The following SLC10A1 variants were observed in gnomAD, a reference collection of about 807,000 sequenced individuals.
SLC10A1 encodes the protein hepatic sodium/bile acid cotransporter.
Under a neutral mutation model 20.5 loss-of-function variants are expected in SLC10A1, and 36 were observed. The ratio of observed to expected loss-of-function variants is 1.75; its 90% CI spans 1.34 to 2.32. SLC10A1 has a LOEUF of 2.32. SLC10A1 is among the 30% of genes most tolerant of loss of function. SLC10A1 has a pLI of 0.00. For missense variants in SLC10A1, 545 were observed against 439.1 expected, an observed-to-expected ratio of 1.24 and a Z score of -2.16; for synonymous variants, 188 against 163.6, an observed-to-expected ratio of 1.15 and a Z score of -1.14.
In SLC10A1 at chr14:69,784,840, A is replaced by G. The variant is rs148897259; in HGVS notation, c.567+1257T>C. ...TGAGGTGGGGTGACTGGCCACAGAAAGGAGGAGGGATGATTCCTCCATGTC... is the reference window on the plus strand; with the variant it reads ...TGAGGTGGGGTGACTGGCCACAGAAGGGAGGAGGGATGATTCCTCCATGTC... On this transcript the variant is annotated intron_variant, in intron 2 of 4. Coordinates refer to ENST00000216540, the MANE Select transcript of SLC10A1 (RefSeq NM_003049.4). 2.5e-4 allele frequency among the ~76,000 whole-genome samples: 38 copies of G among 152,198 alleles called. 1 individual carries two copies. Among genetic ancestry groups the G allele is most frequent in the African/African-American group, 8.9e-4 (37 of 41,522 alleles).
At chr14:69,784,245 T>TA (rs1383466414) in intron 2 of SLC10A1, among the ~76,000 whole-genome samples, 2 of 152,224 alleles carry the variant, frequency 1.3e-5, no homozygotes, top group East Asian at 3.9e-4. Flanking sequence ...CAGCAGAGCT[T>TA]AGAGTCACTA....
rs1255054914 is a variant in SLC10A1, at chr14:69,786,314, G to A, written c.357-7C>T. ...GCAGGTGGTCATCACAATGCTGGTG[G>A]GAGACATGGGAAGAGGGGAGAGAGA... is the stretch of plus-strand genomic sequence containing the variant. On this transcript the variant is annotated splice_region_variant and splice_polypyrimidine_tract_variant and intron_variant, in intron 1 of 4. Coordinates refer to ENST00000216540, the MANE Select transcript of SLC10A1 (RefSeq NM_003049.4). 6.2e-7 allele frequency: 1 copy of A among 1,612,258 alleles called. No individual in the cohort carries two copies. Among genetic ancestry groups the A allele is most frequent in the East Asian group, 2.2e-5 (1 of 44,892 alleles).
In SLC10A1 at chr14:69,796,909, AGAC is replaced by A; in HGVS notation, c.244_246del (p.Val82del). 6.2e-7 allele frequency: 1 copy of A among 1,614,224 alleles called. No individual in the cohort carries two copies. The highest frequency in any genetic ancestry group is 8.5e-7 in the Non-Finnish European group (1 of 1,180,010). On this transcript the variant is annotated inframe_deletion, in exon 1 of 5. Transcript: ENST00000216540. The stretch of plus-strand genomic sequence containing the variant: ...AGTGCCTCAATGTTCTTCAGCCGGA[AGAC>A]CTTGCCCAGCACAAAGGCCGTGAGG...
intron 2 of SLC10A1, 110 bp downstream of exon 2, chr14:69,785,987 T>C: frequency 1.3e-6 from 1 of 774,528 alleles, no homozygotes; most frequent in Non-Finnish European, 2.1e-6. Flanking sequence ...AAACTTAGCA[T>C]CTAGTAGGAG....
At chr14:69,795,007 C>T (rs1472346134) in intron 1 of SLC10A1, among the ~76,000 whole-genome samples, 2 of 152,204 alleles carry the variant, frequency 1.3e-5, no homozygotes, top group African/African-American at 4.8e-5. Flanking sequence ...CCCTGCTCTG[C>T]TTCTTCCACA....
At chr14:69,785,806 G>A (rs1253264304) in intron 2 of SLC10A1, among the ~76,000 whole-genome samples, 2 of 147,162 alleles carry the variant, frequency 1.4e-5, no homozygotes, top group Non-Finnish European at 1.5e-5. Context: ...ACGGGGTTTC[G>A]TCATGTTGGT....
chr14:69,782,822 AAAAG>A (rs1356033501), intron 2 of SLC10A1, among the ~76,000 whole-genome samples: 2 of 152,026 alleles, frequency 1.3e-5, no homozygotes, highest in African/African-American at 2.4e-5. Flanking sequence ...AAAAAAAAAA[AAAAG>A]GGTCTGAGAT....
Position 69,779,121 on chromosome 14 carries a change from A to G in SLC10A1, c.746+61T>C. The G allele has an allele frequency of 2.4e-6, 3 of 1,276,070 alleles. No individual in the cohort carries two copies. The South Asian group carries it at 4.6e-5, about 20-fold the overall frequency. The allele number at this position is 1,276,070 out of a possible 1,614,324, so 79.0% of individuals were successfully genotyped here. On this transcript the variant is annotated intron_variant, in intron 3 of 4. Coordinates refer to ENST00000216540, the MANE Select transcript of SLC10A1 (RefSeq NM_003049.4). ...GGCTGCAGTGAGCTGAGAATGTGCTACTCCCCTCCAGCCTGGGCAACAGAG... is the reference window on the plus strand; with the variant it reads ...GGCTGCAGTGAGCTGAGAATGTGCTGCTCCCCTCCAGCCTGGGCAACAGAG...
chr14:69,778,386 C>T lies in SLC10A1; in HGVS notation c.890G>A (p.Gly297Glu), dbSNP rs1883499787. 2 of 1,613,434 alleles carry T rather than the reference C, an allele frequency of 1.2e-6. No homozygotes were observed. Among genetic ancestry groups the T allele is most frequent in the Admixed American group, 1.7e-5 (1 of 59,920 alleles). ...CCAAAATATGGCAATGAGGAGAAGC[C>T]CTTCTCCAAGCTGGAAAATCATGTA... ...LLYMIFQLGE[G>E]LLLIAIFWCY... The change falls in exon 4 of 5, where the codon GGG (glycine) becomes GAG (glutamate). Residue 297 changes from glycine to glutamate, a missense_variant. By Grantham distance (98) the Gly-to-Glu change is moderately conservative (BLOSUM62 -2). Coordinates refer to ENST00000216540, the MANE Select transcript of SLC10A1 (RefSeq NM_003049.4).
Position 69,779,224 on chromosome 14 carries a change from A to C in SLC10A1, c.704T>G (p.Leu235Arg). Reference protein sequence around the residue: ...TSSLMPFIGFLLGYVLSALFC... With the variant: ...TSSLMPFIGFRLGYVLSALFC... ...GAGAGCAGAGAGAACATAACCCAGC[A>C]GAAAGCCAATAAAAGGCATCAGGGA... Residue 235 changes from leucine to arginine, a missense_variant, in exon 3 of 5, where the codon CTG becomes CGG. By Grantham distance (102) the Leu-to-Arg change is moderately radical. Coordinates refer to ENST00000216540, the MANE Select transcript of SLC10A1 (RefSeq NM_003049.4). 1.9e-6 allele frequency: 3 copies of C among 1,613,826 alleles called. No individual in the cohort carries two copies. The highest frequency in any genetic ancestry group is 2.5e-6 in the Non-Finnish European group (3 of 1,179,880).
rs201979544 is a variant in SLC10A1, at chr14:69,797,093, G to A, written c.63C>T (p.Arg21=). The A allele has an allele frequency of 4.8e-5, 78 of 1,614,002 alleles. No individual in the cohort carries two copies. The highest frequency in any genetic ancestry group is 6.0e-5 in the Non-Finnish European group (71 of 1,180,036). Residue 21 remains arginine (R), a synonymous_variant, in exon 1 of 5, where the codon CGC becomes CGT. Transcript: ENST00000216540. ...NFTLPPNFGK[R]PTDLALSVIL... The stretch of plus-strand genomic sequence containing the variant: ...TGACGCTCAGTGCCAGGTCTGTGGG[G>A]CGCTTGCCAAAGTTGGGTGGCAGGG...
At chr14:69,792,222 G>T (rs1594764981) in intron 1 of SLC10A1, among the ~76,000 whole-genome samples, 1 of 152,102 alleles carries the variant, frequency 6.6e-6, no homozygotes, top group Middle Eastern at 3.4e-3. Flanking sequence ...AAACCACAAA[G>T]GAAAAATATT....
At chr14:69,783,226 C>T (rs997675952) in intron 2 of SLC10A1, among the ~76,000 whole-genome samples, 1 of 152,138 alleles carries the variant, frequency 6.6e-6, no homozygotes, top group Non-Finnish European at 1.5e-5. Context: ...TATTCTCAGG[C>T]ATTAGCTATG....
At chr14:69,789,284 G>C (rs1456503542) in intron 1 of SLC10A1, among the ~76,000 whole-genome samples, 1 of 152,148 alleles carries the variant, frequency 6.6e-6, no homozygotes, top group Non-Finnish European at 1.5e-5. Context: ...ATTCATACTA[G>C]GGAACAAGTA....
intron 2 of SLC10A1, among the ~76,000 whole-genome samples, chr14:69,779,924 T>A (rs556469205): frequency 6.6e-6 from 1 of 152,232 alleles, no homozygotes; most frequent in Non-Finnish European, 1.5e-5. Context: ...TGAGAACTTG[T>A]CATACATATT....
rs201771126 is a variant in SLC10A1, at chr14:69,779,187, A to G, written c.741T>C (p.Asn247=). The change falls in exon 3 of 5, where the codon AAT becomes AAC. Residue 247 remains asparagine, a synonymous_variant. Coordinates refer to ENST00000216540, the MANE Select transcript of SLC10A1 (RefSeq NM_003049.4). ...AAAAAAAAAAAAATACCTACCGTCC[A>G]TTGAGGCAGAAGAGAGCAGAGAGAA... is the stretch of plus-strand genomic sequence containing the variant. ...GYVLSALFCL[N]GRCRRTVSME... 2 of 1,592,922 alleles carry G rather than the reference A, an allele frequency of 1.3e-6. No individual in the cohort carries two copies. The highest frequency in any genetic ancestry group is 8.5e-7 in the Non-Finnish European group (1 of 1,172,396).
At chr14:69,789,914 G>T (rs949906332) in intron 1 of SLC10A1, among the ~76,000 whole-genome samples, 14 of 142,874 alleles carry the variant, frequency 9.8e-5, no homozygotes, top group South Asian at 4.4e-4. Context: ...CAAAAATAGG[G>T]TTTTTTTTTT....
Position 69,796,851 on chromosome 14 carries a change from C to T in SLC10A1, c.305G>A (p.Gly102Glu), listed in dbSNP as rs757955614. 2.5e-6 allele frequency: 4 copies of T among 1,614,198 alleles called. No individual in the cohort carries two copies. The South Asian group carries it at 4.4e-5, about 18-fold the overall frequency. ...CAGACTGAAGACATTGGACAGGTTC[C>T]CTCCAGGTGAGCAGCCACAGACCAA... Reference protein sequence around the residue: ...AILVCGCSPGGNLSNVFSLAM... With the variant: ...AILVCGCSPGENLSNVFSLAM... The change falls in exon 1 of 5, where the codon GGG becomes GAG. Residue 102 changes from glycine (G) to glutamate (E), a missense_variant. Transcript: ENST00000216540.
Position 69,793,852 on chromosome 14 carries a change from G to A in SLC10A1, c.356+2948C>T, listed in dbSNP as rs74061440. 7.0e-3 allele frequency among the ~76,000 whole-genome samples: 1,073 copies of A among 152,300 alleles called. 11 individuals carry two copies. Among genetic ancestry groups the A allele is most frequent in the African/African-American group, 0.024 (1,005 of 41,556 alleles). Reference sequence around the variant, plus strand: ...AAGCCATACTCACTTCAACTGTGAGGGCGTTTTCTCTTGCCTGTTTGTCAC... The same window carrying A: ...AAGCCATACTCACTTCAACTGTGAGAGCGTTTTCTCTTGCCTGTTTGTCAC... On this transcript the variant is annotated intron_variant, in intron 1 of 4. Transcript: ENST00000216540.
Sources: allele counts gnomAD v4.1 joint callset (sites outside exome capture counted in the v4.1 genomes callset), GRCh38; gene constraint gnomAD v4.1.1; transcripts MANE v1.5; gene names NCBI Gene and HGNC (gene_info 2026-07-23, HGNC 2026-07-21).